Variants in SNX7 observed in about 807,000 individuals in gnomAD.
SNX7 encodes the protein sorting nexin 7, also known as sorting nexin-7.
SNX7 carries 35 observed loss-of-function variants against 48.4 expected under a neutral mutation model. That is an observed-to-expected ratio of 0.72 (90% CI 0.55 to 0.96). The LOEUF is 0.96. Ranked by LOEUF, SNX7 falls within the 40% of genes least tolerant of loss-of-function variation. SNX7 has a pLI of 0.00. For missense variants in SNX7, 553 were observed against 548.9 expected (o/e 1.01, Z -0.07); for synonymous variants, 190 against 190.2 (o/e 1.00, Z 0.01).
At chr1:98,681,243 C>T (rs182287591) in intron 1 of SNX7, among the ~76,000 whole-genome samples, 238 of 152,194 alleles carry the variant, frequency 1.6e-3, no homozygotes, top group African/African-American at 5.3e-3. Context: ...GGGAAAGACC[C>T]GCCCCCATGA....
Position 98,717,657 on chromosome 1 carries a change from G to T in SNX7, c.1125+15754G>T, listed in dbSNP as rs11166078. Among the ~76,000 whole-genome samples, 399 of 152,146 alleles carry T rather than the reference G, an allele frequency of 2.6e-3. 1 individual carries two copies. The highest frequency in any genetic ancestry group is 9.2e-3 in the African/African-American group (383 of 41,524). On this transcript the variant is annotated intron_variant, in intron 7 of 8. Coordinates refer to ENST00000306121, the MANE Select transcript of SNX7 (RefSeq NM_015976.5). The stretch of plus-strand genomic sequence containing the variant: ...TGAAATATTTTATTACAGTGAACTG[G>T]CAGTCTTAATAGTGTTTATTTTAGG...
intron 1 of SNX7, 75 bp downstream of exon 1, chr1:98,661,986 G>C: frequency 8.1e-7 from 1 of 1,233,388 alleles, no homozygotes; most frequent in Non-Finnish European, 1.0e-6. Flanking sequence ...GCCGACGGCT[G>C]CCTCTGGCGC....
intron 7 of SNX7, among the ~76,000 whole-genome samples, chr1:98,714,685 G>C (rs1170548929): frequency 6.6e-6 from 1 of 152,162 alleles, no homozygotes; most frequent in Admixed American, 6.5e-5. Context: ...AGGAGGAAAA[G>C]CCATGATCCT....
At position 98,676,283 on chromosome 1, in the gene SNX7, A is replaced by G. The variant is rs149852872; in HGVS notation, c.181-8602A>G. On this transcript the variant is annotated intron_variant, in intron 1 of 8. Coordinates refer to ENST00000306121, the MANE Select transcript of SNX7 (RefSeq NM_015976.5). ...TCTTTAAGTCACTATGTTGTATTCT[A>G]TCATATGGATAGAATTCATTATACC... Among the ~76,000 whole-genome samples, 1,156 of 152,236 alleles carry G rather than the reference A, an allele frequency of 7.6e-3. 10 individuals are homozygous for G. The highest frequency in any genetic ancestry group is 0.016 in the South Asian group (79 of 4,828).
chr1:98,698,722 G>A lies in SNX7; in HGVS notation c.855G>A (p.Met285Ile), dbSNP rs1342639740. Residue 285 changes from methionine to isoleucine, a missense_variant, in exon 6 of 9, where the codon ATG becomes ATA. By Grantham distance (10) the Met-to-Ile change is conservative. Transcript: ENST00000306121. Reference protein sequence around the residue: ...YKEEREYFDEMKEYGPIHILW... With the variant: ...YKEEREYFDEIKEYGPIHILW... ...TTTTTTTAGAATATTTTGATGAAAT[G>A]AAAGAATATGGCCCAATTCATATTC... 6.3e-7 allele frequency: 1 copy of A among 1,596,836 alleles called. No homozygotes were observed. Among genetic ancestry groups the A allele is most frequent in the South Asian group, 1.1e-5 (1 of 89,228 alleles).
chr1:98,714,019 A>C (rs932247648), intron 7 of SNX7, among the ~76,000 whole-genome samples: 1 of 152,236 alleles, frequency 6.6e-6, no homozygotes, highest in East Asian at 1.9e-4. Flanking sequence ...CAAAGCTTCA[A>C]TTTGTTAGAA....
chr1:98,732,036 G>A (rs1210751443), intron 7 of SNX7, among the ~76,000 whole-genome samples: 1 of 152,038 alleles, frequency 6.6e-6, no homozygotes, highest in Non-Finnish European at 1.5e-5. Context: ...CTTTAAGATG[G>A]GGTTACCGTT....
In SNX7 at chr1:98,661,886, A is replaced by C. The variant is rs1649244952; in HGVS notation, c.155A>C (p.Glu52Ala). The change falls in exon 1 of 9, where the codon GAG becomes GCG. Residue 52 changes from glutamate (E) to alanine (A), a missense_variant. Glu to Ala is a moderately radical substitution (Grantham distance 107). Transcript: ENST00000306121. Reference sequence around the variant, plus strand: ...GAGGTGCTGGATCTGGACGAGGACGAGGACGACCTGGAGGTGTTCAGCAAG... The same window carrying C: ...GAGGTGCTGGATCTGGACGAGGACGCGGACGACCTGGAGGTGTTCAGCAAG... The part of the protein sequence containing the change: ...QAEVLDLDED[E>A]DDLEVFSKDA... 8.0e-7 allele frequency: 1 copy of C among 1,247,032 alleles called. No homozygotes were observed. The highest frequency in any genetic ancestry group is 1.6e-5 in the African/African-American group (1 of 64,298). The allele number at this position is 1,247,032 out of a possible 1,614,324, so 77.2% of individuals were successfully genotyped here. A position where few individuals can be genotyped will look rare whatever the true frequency, so the allele number is the denominator to read the frequency against.
Position 98,760,185 on chromosome 1 carries a change from T to C in SNX7, c.*54T>C, listed in dbSNP as rs1655045022. ...GGGAGACAGCATTTATTAACCAAAG[T>C]TATTCTTTCTGGATCTGCCGTGTCC... On this transcript the variant is annotated 3_prime_UTR_variant, in exon 9 of 9. Transcript: ENST00000306121. The C allele has an allele frequency of 1.5e-6, 2 of 1,349,882 alleles. No individual in the cohort carries two copies. The highest frequency in any genetic ancestry group is 2.9e-5 in the African/African-American group (2 of 69,540). 83.6% of individuals were successfully genotyped at this position (1,349,882 alleles called of 1,614,324 possible).
At chr1:98,708,680 G>A (rs9725808) in intron 7 of SNX7, among the ~76,000 whole-genome samples, 2,868 of 152,240 alleles carry the variant, frequency 0.019, 97 homozygotes, top group African/African-American at 0.066. Flanking sequence ...GTACCAGGGA[G>A]TACCTAGAAT....
chr1:98,713,612 T>G (rs1297726589), intron 7 of SNX7, among the ~76,000 whole-genome samples: 1 of 152,222 alleles, frequency 6.6e-6, no homozygotes, highest in African/African-American at 2.4e-5. Context: ...AGTTTAATCA[T>G]TTGTAGCTTT....
chr1:98,758,050 T>C (rs1654938054), intron 8 of SNX7, among the ~76,000 whole-genome samples: 1 of 152,108 alleles, frequency 6.6e-6, no homozygotes, highest in South Asian at 2.1e-4. Context: ...GGTTTCATGC[T>C]AAATCATAAT....
intron 7 of SNX7, among the ~76,000 whole-genome samples, chr1:98,715,846 C>T (rs1652561977): frequency 6.6e-6 from 1 of 152,048 alleles, no homozygotes; most frequent in South Asian, 2.1e-4. Flanking sequence ...GTGTTCATTG[C>T]TATTGAGGTA....
intron 2 of SNX7, among the ~76,000 whole-genome samples, chr1:98,685,779 GT>G (rs901732016): frequency 2.0e-5 from 3 of 152,008 alleles, no homozygotes; most frequent in African/African-American, 7.2e-5. Context: ...TCTGAACTAT[GT>G]TTCTATAATC....
At chr1:98,678,962 C>G (rs1553197563) in intron 1 of SNX7, among the ~76,000 whole-genome samples, 1 of 152,082 alleles carries the variant, frequency 6.6e-6, no homozygotes, top group Non-Finnish European at 1.5e-5. Context: ...CTCAGGAAAA[C>G]AAAAACTGGG....
chr1:98,690,331 C>T (rs1651047043), intron 2 of SNX7, among the ~76,000 whole-genome samples: 1 of 151,980 alleles, frequency 6.6e-6, no homozygotes, highest in African/African-American at 2.4e-5. Context: ...GGGACTCAGG[C>T]AATAGAAATG....
At chr1:98,682,312 C>G (rs1650548068) in intron 1 of SNX7, among the ~76,000 whole-genome samples, 1 of 152,040 alleles carries the variant, frequency 6.6e-6, no homozygotes, top group Admixed American at 6.6e-5. Flanking sequence ...TCTAGGTTTG[C>G]TGCAAAACTG....
chr1:98,696,587 A>G (rs1375925897), intron 5 of SNX7, among the ~76,000 whole-genome samples: 1 of 152,072 alleles, frequency 6.6e-6, no homozygotes, highest in African/African-American at 2.4e-5. Flanking sequence ...AGAGATATAG[A>G]AAAAAATTAT....
At chr1:98,693,591 G>A (rs1442041845) in intron 4 of SNX7, among the ~76,000 whole-genome samples, 1 of 152,188 alleles carries the variant, frequency 6.6e-6, no homozygotes, top group Non-Finnish European at 1.5e-5. Flanking sequence ...GACGTGAGCT[G>A]TCTCTGATAA....
Sources: allele counts gnomAD v4.1 joint callset (sites outside exome capture counted in the v4.1 genomes callset), GRCh38; gene constraint gnomAD v4.1.1; transcripts MANE v1.5; gene names NCBI Gene and HGNC (gene_info 2026-07-23, HGNC 2026-07-21).